KCNT2: variants seen among roughly 807,000 people sequenced by gnomAD.
The protein encoded by KCNT2 is potassium sodium-activated channel subfamily T member 2, also known as potassium channel subfamily T member 2.
Under a neutral mutation model 153.8 loss-of-function variants are expected in KCNT2, and 67 were observed. The observed-to-expected ratio is 0.44, with a 90% CI of 0.36 to 0.53. The LOEUF (loss-of-function observed/expected upper bound fraction) is 0.53. Among genes scored for constraint, KCNT2 ranks in the 20% least tolerant of loss-of-function variants. The probability of loss-of-function intolerance (pLI) is 0.00; values close to 1 mark genes in which losing one functional copy is unlikely to be tolerated. For missense variants in KCNT2, 975 were observed against 1,354.8 expected (o/e 0.72, Z 4.40); for synonymous variants, 500 against 458.8 (o/e 1.09, Z -1.15).
At chr1:196,493,303 G>C (rs1397558646) in intron 1 of KCNT2, among the ~76,000 whole-genome samples, 1 of 146,170 alleles carries the variant, frequency 6.8e-6, no homozygotes, top group Non-Finnish European at 1.5e-5. Flanking sequence ...TGTAATTCAT[G>C]TAAGCCAGAT....
rs143252782 is a variant in KCNT2, at chr1:196,405,078, A to G, written c.1186-6407T>C. Among the ~76,000 whole-genome samples the G allele has an allele frequency of 2.5e-3, 384 of 151,710 alleles. 9 individuals are homozygous for G. Among genetic ancestry groups the G allele is most frequent in the Admixed American group, 0.021 (322 of 15,166 alleles). On this transcript the variant is annotated intron_variant, in intron 12 of 27. Coordinates refer to ENST00000294725, the MANE Select transcript of KCNT2 (RefSeq NM_198503.5). ...GGAAAAAGGAAAAGAGCTGTATAAC[A>G]TGGCATAAATATCATATGAGAAATA...
At chr1:196,277,963 T>C (rs1235730511) in intron 25 of KCNT2, among the ~76,000 whole-genome samples, 1 of 152,174 alleles carries the variant, frequency 6.6e-6, no homozygotes, top group African/African-American at 2.4e-5. Flanking sequence ...GTAAGAGATA[T>C]GCACTTTAAT....
chr1:196,429,806 T>C (rs776184680), intron 8 of KCNT2, 49 bp from the exon 9 acceptor site: 1 of 1,286,540 alleles, frequency 7.8e-7, no homozygotes, highest in Non-Finnish European at 1.1e-6. Flanking sequence ...ACTGGACACA[T>C]AATTTCTCAT....
At chr1:196,443,937 T>C (rs1201991881) in intron 8 of KCNT2, among the ~76,000 whole-genome samples, 1 of 151,462 alleles carries the variant, frequency 6.6e-6, no homozygotes, top group Admixed American at 6.6e-5. Flanking sequence ...TACTGCTATA[T>C]TTATAGAATT....
intron 5 of KCNT2, among the ~76,000 whole-genome samples, chr1:196,472,074 G>T (rs752652987): frequency 2.0e-4 from 30 of 152,064 alleles, no homozygotes; most frequent in Non-Finnish European, 3.4e-4. Context: ...TGTCCCTCTG[G>T]CTGGAATATT....
At chr1:196,456,153 T>C (rs1354773808) in intron 8 of KCNT2, among the ~76,000 whole-genome samples, 1 of 152,022 alleles carries the variant, frequency 6.6e-6, no homozygotes, top group African/African-American at 2.4e-5. Context: ...AGGTAGAAGC[T>C]GATATTGGAA....
chr1:196,448,376 A>G (rs535854211), intron 8 of KCNT2, among the ~76,000 whole-genome samples: 32 of 151,716 alleles, frequency 2.1e-4, no homozygotes, highest in Admixed American at 3.3e-4. Flanking sequence ...GTATTATTAT[A>G]TATAACATTT....
At chr1:196,552,172 T>C (rs980666737) in intron 1 of KCNT2, among the ~76,000 whole-genome samples, 1 of 151,388 alleles carries the variant, frequency 6.6e-6, no homozygotes, top group Non-Finnish European at 1.5e-5. Flanking sequence ...AAAAAGTAAA[T>C]ATTTTATGCC....
intron 14 of KCNT2, among the ~76,000 whole-genome samples, chr1:196,348,336 G>T (rs1025576601): frequency 6.6e-6 from 1 of 152,032 alleles, no homozygotes; most frequent in Non-Finnish European, 1.5e-5. Flanking sequence ...GACAAAAAGC[G>T]TAGAGTGGGA....
At chr1:196,558,527 AATT>A (rs1476286032) in intron 1 of KCNT2, among the ~76,000 whole-genome samples, 2 of 151,348 alleles carry the variant, frequency 1.3e-5, no homozygotes, top group Non-Finnish European at 3.0e-5. Context: ...GCAACAAGGC[AATT>A]ATTATGTAAT....
intron 23 of KCNT2, among the ~76,000 whole-genome samples, chr1:196,284,875 G>A (rs971536124): frequency 1.3e-4 from 20 of 152,074 alleles, no homozygotes; most frequent in African/African-American, 4.8e-4. Context: ...AATTATAGAA[G>A]ACAGTACATA....
intron 26 of KCNT2, among the ~76,000 whole-genome samples, chr1:196,240,546 G>C (rs1333726824): frequency 6.6e-6 from 1 of 151,998 alleles, no homozygotes; most frequent in Non-Finnish European, 1.5e-5. Context: ...TATATGTATT[G>C]CTATGTGAAG....
rs537304569 is a variant in KCNT2 at position 196,592,183 on chromosome 1, T to TA, written c.95+16031dup. On this transcript the variant is annotated intron_variant, in intron 1 of 27. Transcript: ENST00000294725. ...TACACAATGGTGTACTATTCAGCCA[T>TA]AAAAAAAAATGAGATTCTGTCATTT... Among the ~76,000 whole-genome samples the TA allele has an allele frequency of 2.8e-3, 414 of 150,310 alleles. 1 individual carries two copies. The highest frequency in any genetic ancestry group is 9.5e-3 in the African/African-American group (392 of 41,082).
At chr1:196,278,996 C>A (rs536438120) in intron 25 of KCNT2, among the ~76,000 whole-genome samples, 73 of 152,206 alleles carry the variant, frequency 4.8e-4, no homozygotes, top group African/African-American at 1.7e-3. Flanking sequence ...TGAGAAGATG[C>A]CTATCTGAGA....
chr1:196,254,173 A>T (rs1656251607), intron 26 of KCNT2, among the ~76,000 whole-genome samples: 1 of 151,486 alleles, frequency 6.6e-6, no homozygotes. Context: ...AAGAAAAAAG[A>T]TTAGTTTGTT....
At chr1:196,311,549 T>C (rs933789949) in intron 21 of KCNT2, among the ~76,000 whole-genome samples, 1 of 151,850 alleles carries the variant, frequency 6.6e-6, no homozygotes, top group Non-Finnish European at 1.5e-5. Flanking sequence ...AAAATCTTTG[T>C]ATTAAAACAA....
At chr1:196,431,604 T>C (rs1674158465) in intron 8 of KCNT2, among the ~76,000 whole-genome samples, 1 of 152,120 alleles carries the variant, frequency 6.6e-6, no homozygotes, top group Non-Finnish European at 1.5e-5. Context: ...TAATTATGTC[T>C]GTGTCCAAAT....
chr1:196,428,374 A>C, intron 9 of KCNT2, 105 bp from the exon 10 acceptor site: 1 of 747,134 alleles, frequency 1.3e-6, no homozygotes, highest in Non-Finnish European at 2.2e-6. Context: ...CCTAGATGGA[A>C]CTCATTGAGA....
At chr1:196,581,819 CTAAG>C (rs1405123754) in intron 1 of KCNT2, among the ~76,000 whole-genome samples, 5 of 152,060 alleles carry the variant, frequency 3.3e-5, no homozygotes, top group Non-Finnish European at 5.9e-5. Context: ...GTTTTGAAAA[CTAAG>C]TCTTTCATTT....
Sources: allele counts gnomAD v4.1 joint callset (sites outside exome capture counted in the v4.1 genomes callset), GRCh38; gene constraint gnomAD v4.1.1; transcripts MANE v1.5; gene names NCBI Gene and HGNC (gene_info 2026-07-23, HGNC 2026-07-21).